Variants in MICAL2 observed in about 807,000 individuals in gnomAD.
MICAL2 encodes the protein microtubule associated monooxygenase, calponin and LIM domain containing 2.
In MICAL2, 77 loss-of-function variants were observed where a neutral mutation model predicts 127.3. The observed-to-expected ratio is 0.60, with a 90% CI of 0.50 to 0.73. The LOEUF (loss-of-function observed/expected upper bound fraction) is 0.73, where lower values mean the gene tolerates loss of function less well. Ranked by LOEUF, MICAL2 falls within the 30% of genes least tolerant of loss-of-function variation. The pLI, the probability that MICAL2 is intolerant of heterozygous loss-of-function variation, is 0.00. For missense variants in MICAL2, 1,351 were observed against 1,434.4 expected (o/e 0.94, Z 0.94); for synonymous variants, 570 against 551.1 (o/e 1.03, Z -0.48).
chr11:12,184,071 C>T (rs961008294), intron 3 of MICAL2, among the ~76,000 whole-genome samples: 1 of 152,184 alleles, frequency 6.6e-6, no homozygotes, highest in Admixed American at 6.5e-5. Flanking sequence ...TGAGCCACCA[C>T]GTCGGATCTT....
chr11:12,229,971 G>A (rs1277873178), intron 15 of MICAL2, among the ~76,000 whole-genome samples: 3 of 152,168 alleles, frequency 2.0e-5, no homozygotes, highest in Non-Finnish European at 4.4e-5. Flanking sequence ...TGAGTTAAGT[G>A]CCTGGCATGG....
chr11:12,138,963 C>T (rs2059921577), intron 2 of MICAL2, among the ~76,000 whole-genome samples: 1 of 152,174 alleles, frequency 6.6e-6, no homozygotes. Context: ...TCTGAGGAGT[C>T]AGATAGCCTG....
At chr11:12,195,545 A>T (rs1427214772) in intron 3 of MICAL2, among the ~76,000 whole-genome samples, 1 of 151,278 alleles carries the variant, frequency 6.6e-6, no homozygotes, top group Non-Finnish European at 1.5e-5. Flanking sequence ...TTGCCAAAAA[A>T]TGTTGTAAAG....
chr11:12,260,105 A>C, intron 26 of MICAL2: 1 of 1,536,204 alleles, frequency 6.5e-7, no homozygotes. Flanking sequence ...ATGTACAGGG[A>C]ATCTGAGGGC....
chr11:12,306,260 G>T (rs1864107627), intron 29 of MICAL2, among the ~76,000 whole-genome samples: 2 of 150,224 alleles, frequency 1.3e-5, no homozygotes, highest in African/African-American at 5.0e-5. Flanking sequence ...TATTCATTAG[G>T]TAAATGTAAC....
chr11:12,136,544 G>A (rs953999662), intron 1 of MICAL2, among the ~76,000 whole-genome samples: 3 of 152,214 alleles, frequency 2.0e-5, no homozygotes, highest in South Asian at 4.2e-4. Context: ...GTACCTGGAG[G>A]GGGGCAGCTG....
Position 12,213,215 on chromosome 11 carries a change from T to G in MICAL2, c.692-40T>G, listed in dbSNP as rs368784519. 46 of 1,565,950 alleles carry G rather than the reference T, an allele frequency of 2.9e-5. No homozygotes were observed. In the African/African-American group the frequency reaches 5.8e-4, roughly 20 times the overall value. Reference sequence around the variant, plus strand: ...AATCATTTTCAGTTTTCACACCAAATCCAGAAGATAGACCCACTTTTTCAT... The same window carrying G: ...AATCATTTTCAGTTTTCACACCAAAGCCAGAAGATAGACCCACTTTTTCAT... On this transcript the variant is annotated intron_variant, in intron 6 of 27. Coordinates refer to ENST00000683283, the MANE Select transcript of MICAL2 (RefSeq NM_001282663.2).
chr11:12,168,220 CACAT>C (rs756527216), intron 3 of MICAL2, among the ~76,000 whole-genome samples: 1 of 151,186 alleles, frequency 6.6e-6, no homozygotes, highest in South Asian at 2.1e-4. Context: ...CACATATACA[CACAT>C]ACACACACCA....
intron 1 of MICAL2, among the ~76,000 whole-genome samples, chr11:12,116,461 G>A (rs757821155): frequency 6.6e-6 from 1 of 151,050 alleles, no homozygotes; most frequent in Non-Finnish European, 1.5e-5. Flanking sequence ...ACGCTCCAGT[G>A]GCCTGTCTTG....
At chr11:12,283,389 AT>A (rs537255690) in intron 2 of MICAL2, among the ~76,000 whole-genome samples, 147 of 152,086 alleles carry the variant, frequency 9.7e-4, no homozygotes, top group African/African-American at 3.5e-3. Context: ...AGCCATGCTC[AT>A]AGAAGCATTA....
chr11:12,259,678 A>ATTGTGGGGGCTGG, intron 25 of MICAL2, 117 bp from the exon 26 acceptor site: 1 of 907,240 alleles, frequency 1.1e-6, no homozygotes, highest in Non-Finnish European at 1.6e-6. Flanking sequence ...GGCTGAGATT[A>ATTGTGGGGGCTGG]TTGTGGGGGC....
At chr11:12,142,030 A>AT (rs1316242854) in intron 2 of MICAL2, among the ~76,000 whole-genome samples, 3 of 152,244 alleles carry the variant, frequency 2.0e-5, no homozygotes, top group Non-Finnish European at 4.4e-5. Flanking sequence ...AAGCACACCC[A>AT]TAGCGCAAGC....
At chr11:12,243,495 C>T (rs1860258886) in intron 20 of MICAL2, 1 of 160,852 alleles carries the variant, frequency 6.2e-6, no homozygotes, top group Non-Finnish European at 1.4e-5. Flanking sequence ...TCTTCTGCTA[C>T]TTGGTGGAGT....
chr11:12,268,815 A>C (rs12271918), intron 24 of MICAL2, among the ~76,000 whole-genome samples: 19,072 of 146,944 alleles, frequency 0.13, 3,015 homozygotes, highest in African/African-American at 0.39. Flanking sequence ...ATGGTGAAAC[A>C]CTGTCTCTAC....
intron 3 of MICAL2, among the ~76,000 whole-genome samples, chr11:12,177,047 G>T (rs1233896014): frequency 6.6e-6 from 1 of 152,072 alleles, no homozygotes; most frequent in Non-Finnish European, 1.5e-5. Flanking sequence ...TGGGTCAAAT[G>T]GTAATTCTAT....
chr11:12,176,375 C>T (rs1262422547), intron 3 of MICAL2, among the ~76,000 whole-genome samples: 4 of 152,116 alleles, frequency 2.6e-5, no homozygotes, highest in Non-Finnish European at 5.9e-5. Flanking sequence ...TCTCATAGGG[C>T]TGGGGTAAAG....
chr11:12,177,770 G>A (rs576058177), intron 3 of MICAL2, among the ~76,000 whole-genome samples: 2 of 152,216 alleles, frequency 1.3e-5, no homozygotes, highest in East Asian at 1.9e-4. Context: ...GGTGTCTGAG[G>A]TTTGTCTCCA....
chr11:12,121,699 G>A (rs1478350947), intron 1 of MICAL2: 2 of 152,260 alleles, frequency 1.3e-5, no homozygotes, highest in Non-Finnish European at 2.9e-5. Flanking sequence ...GCCACAGGGA[G>A]GTGGATAAAG....
At chr11:12,274,788 A>G (rs1057385917), upstream of MICAL2, 2 of 152,250 alleles carry the variant, frequency 1.3e-5, no homozygotes, top group African/African-American at 4.8e-5. Context: ...AGGCCTCGGT[A>G]GGGCCTTCAG....
Sources: allele counts gnomAD v4.1 joint callset (sites outside exome capture counted in the v4.1 genomes callset), GRCh38; gene constraint gnomAD v4.1.1; transcripts MANE v1.5; gene names NCBI Gene and HGNC (gene_info 2026-07-23, HGNC 2026-07-21).